Variants in SCML2 observed in about 807,000 individuals in gnomAD.
SCML2 encodes the protein Scm polycomb group protein like 2, also known as sex comb on midleg-like protein 2.
A neutral mutation model predicts 48.4 loss-of-function variants in SCML2; 6 were observed. The ratio of observed to expected loss-of-function variants is 0.12; its 90% CI spans 0.07 to 0.24. SCML2 has a LOEUF of 0.24. SCML2 is among the 10% of genes least tolerant of loss of function. The pLI, the probability that SCML2 is intolerant of heterozygous loss-of-function variation, is 1.00. For synonymous variants in SCML2, 181 were observed against 189.5 expected, an observed-to-expected ratio of 0.95 and a Z score of 0.37; for missense variants, 377 against 528.2, an observed-to-expected ratio of 0.71 and a Z score of 2.81.
At chrX:18,325,503 T>A (rs759186819) in intron 3 of SCML2, among the ~76,000 whole-genome samples, 1 of 111,485 alleles carries the variant, frequency 9.0e-6, no homozygotes, top group Non-Finnish European at 1.9e-5. Flanking sequence ...GACTATTAGA[T>A]CTCTATTCAG....
At chrX:18,345,714 T>G (rs1372854847) in intron 1 of SCML2, among the ~76,000 whole-genome samples, 1 of 108,062 alleles carries the variant, frequency 9.3e-6, no homozygotes. Flanking sequence ...TTGATAAAAT[T>G]TTTCTTTTAT....
chrX:18,294,854 T>G (rs1363791047), intron 7 of SCML2, among the ~76,000 whole-genome samples: 1 of 110,966 alleles, frequency 9.0e-6, no homozygotes, highest in African/African-American at 3.3e-5. Context: ...ACCACCTACC[T>G]GGGAGGACTA....
chrX:18,253,119 C>G (rs1019055821), intron 11 of SCML2, among the ~76,000 whole-genome samples: 2 of 111,546 alleles, frequency 1.8e-5, no homozygotes, highest in African/African-American at 6.5e-5. Flanking sequence ...GTACAATTCC[C>G]CAGTCTTTCA....
At chrX:18,242,082 A>G (rs1449980969) in intron 14 of SCML2, among the ~76,000 whole-genome samples, 2 of 111,775 alleles carry the variant, frequency 1.8e-5, no homozygotes, top group Non-Finnish European at 3.8e-5. Flanking sequence ...CCACCCTGTA[A>G]TAGCTTGTGG....
chrX:18,316,149 G>A (rs1187660331), intron 6 of SCML2, among the ~76,000 whole-genome samples: 1 of 112,464 alleles, frequency 8.9e-6, no homozygotes, highest in Non-Finnish European at 1.9e-5. Flanking sequence ...AGCACTTTGG[G>A]AGGCCAAGGC....
intron 6 of SCML2, among the ~76,000 whole-genome samples, chrX:18,309,200 CAAAA>C (rs34188571): frequency 1.9e-5 from 1 of 51,713 alleles, no homozygotes; most frequent in Non-Finnish European, 3.8e-5. Flanking sequence ...GACTCTGTCT[CAAAA>C]AAAAAAAAAA....
intron 11 of SCML2, among the ~76,000 whole-genome samples, chrX:18,251,454 A>G (rs745557870): frequency 1.8e-5 from 2 of 111,317 alleles, no homozygotes; most frequent in African/African-American, 6.5e-5. Context: ...CAATAAAAAG[A>G]CAATGAAACC....
intron 7 of SCML2, among the ~76,000 whole-genome samples, chrX:18,283,988 A>T (rs1927955890): frequency 8.9e-6 from 1 of 112,258 alleles, no homozygotes; most frequent in South Asian, 3.7e-4. Flanking sequence ...AAGCAATCCT[A>T]CACAAAAAAG....
In SCML2 at chrX:18,239,720, A is replaced by C. The variant is rs769772732; in HGVS notation, c.*1531T>G. On this transcript the variant is annotated 3_prime_UTR_variant, in exon 15 of 15. Transcript: ENST00000251900. ...TTCTAACTTATAAAATAAAGCCCCAAACATGGCTGGGCATGGTGGCTCATG... is the reference window on the plus strand; with the variant it reads ...TTCTAACTTATAAAATAAAGCCCCACACATGGCTGGGCATGGTGGCTCATG... The C allele has an allele frequency of 8.9e-6, 1 of 112,540 alleles. No homozygotes were observed. The highest frequency in any genetic ancestry group is 1.9e-5 in the Non-Finnish European group (1 of 53,299). The allele number at this position is 112,540 out of a possible 1,213,427, so 9.3% of individuals were successfully genotyped here. A position where few individuals can be genotyped will look rare whatever the true frequency, so the allele number is the denominator to read the frequency against.
At chrX:18,344,419 G>A (rs962926517) in intron 1 of SCML2, among the ~76,000 whole-genome samples, 3 of 111,802 alleles carry the variant, frequency 2.7e-5, no homozygotes, top group Non-Finnish European at 5.6e-5. Flanking sequence ...AAAAGACAAG[G>A]CTCCAATACA....
At chrX:18,254,785 G>A (rs1403535961) in intron 11 of SCML2, among the ~76,000 whole-genome samples, 3 of 110,857 alleles carry the variant, frequency 2.7e-5, no homozygotes, top group Non-Finnish European at 5.7e-5. Context: ...TTAGCCAGGC[G>A]TGGTGGCAGG....
At chrX:18,341,464 C>CTGA (rs1369318587) in intron 1 of SCML2, 41 of 148,067 alleles carry the variant, frequency 2.8e-4, no homozygotes, top group Non-Finnish European at 4.8e-4. Context: ...GCACTCCGTG[C>CTGA]TGATGCCACC....
chrX:18,350,852 T>C (rs1569168644), intron 1 of SCML2, among the ~76,000 whole-genome samples: 2 of 111,978 alleles, frequency 1.8e-5, no homozygotes, highest in African/African-American at 3.2e-5. Context: ...TATATAATGG[T>C]ATAAATTATG....
Position 18,334,077 on chromosome X carries a change from C to G in SCML2, c.-6G>C, listed in dbSNP as rs370809156. On this transcript the variant is annotated 5_prime_UTR_variant, in exon 2 of 15. Coordinates refer to ENST00000251900, the MANE Select transcript of SCML2 (RefSeq NM_006089.3). ...TCATTCACTGTTTGTCCCATGGTAT[C>G]CCTATTTGGTGTTGTTTCCTACAAG... is the stretch of plus-strand genomic sequence containing the variant. 8 of 1,191,685 alleles carry G rather than the reference C, an allele frequency of 6.7e-6. No homozygotes were observed. The highest frequency in any genetic ancestry group is 5.3e-5 in the African/African-American group (3 of 56,888).
chrX:18,297,967 C>T (rs1332973072), intron 7 of SCML2, among the ~76,000 whole-genome samples: 2 of 111,184 alleles, frequency 1.8e-5, no homozygotes, highest in African/African-American at 3.3e-5. Flanking sequence ...CGTGATCATG[C>T]CACTGCACTC....
At chrX:18,271,997 C>A (rs1378095352) in intron 7 of SCML2, among the ~76,000 whole-genome samples, 1 of 110,247 alleles carries the variant, frequency 9.1e-6, no homozygotes, top group Non-Finnish European at 1.9e-5. Context: ...CAGGTATAAA[C>A]CCCGTGAGCT....
At chrX:18,263,935 T>G (rs1322060222) in intron 8 of SCML2, among the ~76,000 whole-genome samples, 39 of 110,955 alleles carry the variant, frequency 3.5e-4, no homozygotes, top group South Asian at 7.7e-4. Flanking sequence ...ATGTACTTTT[T>G]CATTCTTACA....
chrX:18,257,448 C>T (rs918215297), intron 10 of SCML2, among the ~76,000 whole-genome samples: 2 of 111,935 alleles, frequency 1.8e-5, no homozygotes, highest in Non-Finnish European at 3.8e-5. Context: ...GAGCTTAACA[C>T]AGCATGTAAA....
chrX:18,331,515 T>A (rs755698916), intron 2 of SCML2, among the ~76,000 whole-genome samples: 26 of 110,811 alleles, frequency 2.3e-4, no homozygotes, highest in Admixed American at 9.7e-5. Flanking sequence ...TTCATCCACA[T>A]GTATTATAGT....
Sources: gnomAD v4.1 joint callset for allele counts (sites outside exome capture counted in the v4.1 genomes callset) on GRCh38, gnomAD v4.1.1 for gene constraint, MANE v1.5 for transcripts, NCBI Gene and HGNC (gene_info 2026-07-23, HGNC 2026-07-21) for gene names.